Variants in ARHGAP24 observed in about 807,000 individuals in gnomAD.
ARHGAP24 encodes the protein rho GTPase-activating protein 24.
ARHGAP24 carries 50 observed loss-of-function variants against 76.4 expected under a neutral mutation model. The observed-to-expected ratio is 0.65, with a 90% CI of 0.52 to 0.83. ARHGAP24 has a LOEUF of 0.83. Ranked by LOEUF, ARHGAP24 falls within the 40% of genes least tolerant of loss-of-function variation. The probability of loss-of-function intolerance (pLI) is 0.00; values close to 1 mark genes in which losing one functional copy is unlikely to be tolerated. For missense variants in ARHGAP24, 930 were observed against 914.2 expected (o/e 1.02, Z -0.22); for synonymous variants, 345 against 323.3 (o/e 1.07, Z -0.72).
chr4:85,564,411 G>GA lies in ARHGAP24; in HGVS notation c.-20-6111_-20-6110insA, dbSNP rs539138469. Among the ~76,000 whole-genome samples the GA allele has an allele frequency of 5.2e-3, 768 of 148,080 alleles. 8 individuals carry two copies. Among genetic ancestry groups the GA allele is most frequent in the African/African-American group, 0.013 (512 of 38,768 alleles). On this transcript the variant is annotated intron_variant, in intron 1 of 9. Coordinates refer to ENST00000395184, the MANE Select transcript of ARHGAP24 (RefSeq NM_001025616.3). Reference sequence around the variant, plus strand: ...CCTGTTGTGGGGTGGGGGGAGCGGGGGGGATAGCATTAGGAGATATACCTA... The same window carrying GA: ...CCTGTTGTGGGGTGGGGGGAGCGGGGAGGGATAGCATTAGGAGATATACCTA...
At chr4:85,964,800 T>C (rs1041752270) in intron 5 of ARHGAP24, among the ~76,000 whole-genome samples, 1 of 152,118 alleles carries the variant, frequency 6.6e-6, no homozygotes, top group Non-Finnish European at 1.5e-5. Context: ...CTACAAGGTA[T>C]TTTATTTTTA....
intron 3 of ARHGAP24, among the ~76,000 whole-genome samples, chr4:85,918,951 AAGT>A (rs1161147798): frequency 6.6e-6 from 1 of 152,180 alleles, no homozygotes; most frequent in Non-Finnish European, 1.5e-5. Context: ...GTATCATTTA[AAGT>A]AGTAGTATTT....
chr4:85,505,542 A>G (rs1342913378), intron 1 of ARHGAP24, among the ~76,000 whole-genome samples: 3 of 152,138 alleles, frequency 2.0e-5, no homozygotes, highest in Non-Finnish European at 4.4e-5. Context: ...ATGCGTCACA[A>G]AGTTCTAATG....
chr4:85,665,574 T>G (rs1234164806), intron 2 of ARHGAP24, among the ~76,000 whole-genome samples: 1 of 152,178 alleles, frequency 6.6e-6, no homozygotes, highest in Non-Finnish European at 1.5e-5. Context: ...TAGCTGGTTA[T>G]TTTGCTCGTT....
intron 1 of ARHGAP24, among the ~76,000 whole-genome samples, chr4:85,545,291 G>T (rs1000245900): frequency 2.0e-5 from 3 of 151,934 alleles, no homozygotes; most frequent in Non-Finnish European, 2.9e-5. Context: ...GTAGAGACGG[G>T]GTTTCGCCAA....
chr4:85,924,309 T>C (rs1414257721), intron 4 of ARHGAP24, among the ~76,000 whole-genome samples: 1 of 151,998 alleles, frequency 6.6e-6, no homozygotes, highest in Non-Finnish European at 1.5e-5. Context: ...GAATGCACCA[T>C]GTCAAGAACG....
intron 2 of ARHGAP24, among the ~76,000 whole-genome samples, chr4:85,625,178 A>G (rs966467272): frequency 1.8e-4 from 28 of 151,932 alleles, no homozygotes; most frequent in African/African-American, 6.8e-4. Context: ...TGTCAGTTTT[A>G]GATCTTTCCT....
At chr4:85,906,473 C>T (rs1279153855) in intron 3 of ARHGAP24, among the ~76,000 whole-genome samples, 4 of 152,140 alleles carry the variant, frequency 2.6e-5, no homozygotes, top group Non-Finnish European at 2.9e-5. Flanking sequence ...ACATTTTGCT[C>T]ATTATGAATT....
At chr4:85,896,978 C>T (rs999242769) in intron 3 of ARHGAP24, among the ~76,000 whole-genome samples, 1 of 152,262 alleles carries the variant, frequency 6.6e-6, no homozygotes, top group African/African-American at 2.4e-5. Flanking sequence ...AGACTTCATC[C>T]TGTCTTTATT....
intron 4 of ARHGAP24, among the ~76,000 whole-genome samples, chr4:85,929,318 G>T (rs1736189984): frequency 6.6e-6 from 1 of 152,180 alleles, no homozygotes; most frequent in South Asian, 2.1e-4. Flanking sequence ...ACCTACATGG[G>T]CATGCTAGTC....
At chr4:85,965,416 C>T (rs1738532528) in intron 5 of ARHGAP24, among the ~76,000 whole-genome samples, 1 of 152,096 alleles carries the variant, frequency 6.6e-6, no homozygotes. Flanking sequence ...TGAGTGGGGA[C>T]ACAGAGCCAA....
intron 2 of ARHGAP24, among the ~76,000 whole-genome samples, chr4:85,576,701 A>C (rs924023354): frequency 1.3e-5 from 2 of 152,270 alleles, no homozygotes; most frequent in Admixed American, 6.5e-5. Flanking sequence ...AATTCTTAGC[A>C]CTTTCCTAGA....
intron 2 of ARHGAP24, among the ~76,000 whole-genome samples, chr4:85,647,880 C>G (rs529501354): frequency 6.6e-6 from 1 of 152,078 alleles, no homozygotes; most frequent in Non-Finnish European, 1.5e-5. Flanking sequence ...ATCTGTTGTA[C>G]TAAACATTTT....
chr4:85,886,657 CT>C (rs1024449061), intron 3 of ARHGAP24, among the ~76,000 whole-genome samples: 1 of 152,086 alleles, frequency 6.6e-6, no homozygotes, highest in Non-Finnish European at 1.5e-5. Flanking sequence ...AACTGAATAG[CT>C]TTTTTGCTTT....
chr4:85,916,174 G>A (rs968864517), intron 3 of ARHGAP24, among the ~76,000 whole-genome samples: 7 of 152,208 alleles, frequency 4.6e-5, no homozygotes, highest in Non-Finnish European at 8.8e-5. Flanking sequence ...GACCAGTGAT[G>A]ATGAGCTTTT....
At chr4:85,947,024 C>T (rs969562191) in intron 5 of ARHGAP24, among the ~76,000 whole-genome samples, 16 of 152,110 alleles carry the variant, frequency 1.1e-4, no homozygotes, top group Admixed American at 8.5e-4. Flanking sequence ...AAAAGCTATT[C>T]TGACTAGTGT....
intron 3 of ARHGAP24, among the ~76,000 whole-genome samples, chr4:85,818,035 C>T (rs963824154): frequency 6.6e-6 from 1 of 152,054 alleles, no homozygotes; most frequent in Non-Finnish European, 1.5e-5. Context: ...TAGAGCTTGG[C>T]ACATAGAAAA....
At chr4:85,996,639 A>C (rs1270417235) in intron 9 of ARHGAP24, among the ~76,000 whole-genome samples, 1 of 152,228 alleles carries the variant, frequency 6.6e-6, no homozygotes, top group African/African-American at 2.4e-5. Context: ...AGATTGAAAA[A>C]TTACTTCCTT....
intron 2 of ARHGAP24, among the ~76,000 whole-genome samples, chr4:85,572,842 T>G (rs543586681): frequency 8.8e-4 from 133 of 151,744 alleles, no homozygotes; most frequent in African/African-American, 2.8e-3. Context: ...GCAGTTAAAA[T>G]GTAGGATAAA....
Sources: gnomAD v4.1 joint callset for allele counts (sites outside exome capture counted in the v4.1 genomes callset) on GRCh38, gnomAD v4.1.1 for gene constraint, MANE v1.5 for transcripts, NCBI Gene and HGNC (gene_info 2026-07-23, HGNC 2026-07-21) for gene names.